The following DNAJC11 variants were observed in gnomAD, a reference collection of about 807,000 sequenced individuals.
DNAJC11 encodes the protein dnaJ homolog subfamily C member 11.
DNAJC11 carries 15 observed loss-of-function variants against 78.6 expected under a neutral mutation model. That is an observed-to-expected ratio of 0.19 (90% CI 0.13 to 0.29). DNAJC11 has a LOEUF of 0.29. DNAJC11 is among the 10% of genes least tolerant of loss of function. The probability of loss-of-function intolerance (pLI) is 1.00; values close to 1 mark genes in which losing one functional copy is unlikely to be tolerated. For missense variants in DNAJC11, 547 were observed against 709.6 expected (o/e 0.77, Z 2.60); for synonymous variants, 292 against 272.1 (o/e 1.07, Z -0.72).
chr1:6,693,987 C>G lies in DNAJC11; in HGVS notation c.72+7742G>C, dbSNP rs569230990. Reference sequence around the variant, plus strand: ...AGTAGCTGGGATTACAGGCGCCCGCCATCAAGTCTGGCTAAGTTTTGTATT... The same window carrying G: ...AGTAGCTGGGATTACAGGCGCCCGCGATCAAGTCTGGCTAAGTTTTGTATT... On this transcript the variant is annotated intron_variant, in intron 1 of 15. Coordinates refer to ENST00000377577, the MANE Select transcript of DNAJC11 (RefSeq NM_018198.4). Among the ~76,000 whole-genome samples, 12 of 152,076 alleles carry G rather than the reference C, an allele frequency of 7.9e-5. No homozygotes were observed. In the East Asian group the frequency reaches 1.9e-3, roughly 25 times the overall value.
chr1:6,699,655 A>G (rs1642892955), intron 1 of DNAJC11, among the ~76,000 whole-genome samples: 1 of 152,146 alleles, frequency 6.6e-6, no homozygotes, highest in South Asian at 2.1e-4. Context: ...TAAAACCTAG[A>G]TGATGGGTTG....
chr1:6,666,385 C>CTTTTTT (rs767579276), intron 4 of DNAJC11, among the ~76,000 whole-genome samples: 152 of 120,538 alleles, frequency 1.3e-3, no homozygotes, highest in African/African-American at 3.8e-3. Flanking sequence ...TCTTTCTTTT[C>CTTTTTT]TTTTTTTTTT....
intron 1 of DNAJC11, among the ~76,000 whole-genome samples, chr1:6,683,905 T>C (rs1642593081): frequency 6.6e-6 from 1 of 152,244 alleles, no homozygotes; most frequent in African/African-American, 2.4e-5. Flanking sequence ...TGTAGTGTTT[T>C]GTTTTCCTCC....
At chr1:6,649,828 C>T (rs1228805694) in intron 7 of DNAJC11, among the ~76,000 whole-genome samples, 1 of 151,840 alleles carries the variant, frequency 6.6e-6, no homozygotes, top group Admixed American at 6.6e-5. Context: ...CCACCTCAGC[C>T]TCCCAAGTAG....
intron 4 of DNAJC11, among the ~76,000 whole-genome samples, chr1:6,666,622 G>A (rs943512795): frequency 2.0e-5 from 3 of 152,070 alleles, no homozygotes; most frequent in South Asian, 2.1e-4. Flanking sequence ...GGCTGGTCTC[G>A]AACTCCTGAC....
chr1:6,670,711 C>CA (rs1642366499), intron 3 of DNAJC11: 1 of 152,144 alleles, frequency 6.6e-6, no homozygotes, highest in Non-Finnish European at 1.5e-5. Context: ...ACAGTGATTG[C>CA]TCTGTGACCT....
chr1:6,683,545 G>A (rs1260792157), intron 1 of DNAJC11, among the ~76,000 whole-genome samples: 1 of 152,196 alleles, frequency 6.6e-6, no homozygotes, highest in Non-Finnish European at 1.5e-5. Context: ...TTCTTTCTGA[G>A]TCTTTGTGAG....
chr1:6,693,076 T>C (rs1318219123), intron 1 of DNAJC11, among the ~76,000 whole-genome samples: 5 of 150,618 alleles, frequency 3.3e-5, no homozygotes, highest in Admixed American at 3.3e-4. Flanking sequence ...CGGCTAATTT[T>C]TTTTTTTCGT....
Position 6,669,131 on chromosome 1 carries a change from G to C in DNAJC11, c.277-1321C>G, listed in dbSNP as rs576394434. Among the ~76,000 whole-genome samples, 44 of 150,920 alleles carry C rather than the reference G, an allele frequency of 2.9e-4. 1 individual carries two copies. The highest frequency in any genetic ancestry group is 1.0e-3 in the African/African-American group (42 of 40,970). ...GAACCCAGGAGGTGAAGGTTGCAGT[G>C]AGCTGAGATCATGCCACTGCACTCC... On this transcript the variant is annotated intron_variant, in intron 3 of 15. Coordinates refer to ENST00000377577, the MANE Select transcript of DNAJC11 (RefSeq NM_018198.4).
intron 12 of DNAJC11, 179 bp downstream of exon 12, chr1:6,638,116 G>A: frequency 1.9e-6 from 1 of 532,322 alleles, no homozygotes; most frequent in Non-Finnish European, 3.3e-6. Flanking sequence ...GCCTTTGGAG[G>A]GTAATTATCT....
chr1:6,655,370 G>A (rs146682417), intron 4 of DNAJC11, among the ~76,000 whole-genome samples: 3 of 152,324 alleles, frequency 2.0e-5, no homozygotes, highest in East Asian at 1.9e-4. Context: ...TACGCATAAT[G>A]CATAATTGTG....
At position 6,635,684 on chromosome 1, in the gene DNAJC11, T is replaced by C. The variant is rs1236475820; in HGVS notation, c.1671A>G (p.Thr557=). 2 of 1,614,074 alleles carry C rather than the reference T, an allele frequency of 1.2e-6. No individual in the cohort carries two copies. Among genetic ancestry groups the C allele is most frequent in the East Asian group, 2.2e-5 (1 of 44,900 alleles). ...TCTGGTTCTTGGCAGTTTATCCATC[T>C]GTATCGATCCTGTGGGCTGTAAAGG... ...RIPKQSHRID[T]DG is the part of the protein sequence containing the mutation. Residue 557 remains threonine, a synonymous_variant, in exon 16 of 16, where the codon ACA becomes ACG. Coordinates refer to ENST00000377577, the MANE Select transcript of DNAJC11 (RefSeq NM_018198.4).
Position 6,634,229 on chromosome 1 carries a change from C to A in DNAJC11, c.*1446G>T. The A allele has an allele frequency of 1.1e-6, 1 of 921,142 alleles. No homozygotes were observed. 57.1% of individuals were successfully genotyped at this position (921,142 alleles called of 1,614,324 possible). A position where few individuals can be genotyped will look rare whatever the true frequency, so the allele number is the denominator to read the frequency against. On this transcript the variant is annotated 3_prime_UTR_variant, in exon 16 of 16. Coordinates refer to ENST00000377577, the MANE Select transcript of DNAJC11 (RefSeq NM_018198.4). ...TCTGTACAGTCGACTGCAAATGAAA[C>A]GCAGAGGATGGGTGCCCAGAAGCAC... is the stretch of plus-strand genomic sequence containing the variant.
At position 6,640,117 on chromosome 1, in the gene DNAJC11, A is replaced by AGGGCAATGGGGTGTC. The variant is rs146506161; in HGVS notation, c.1098-75_1098-61dup. The AGGGCAATGGGGTGTC allele has an allele frequency of 1.8e-4, 270 of 1,493,444 alleles. 1 individual carries two copies. The East Asian group carries it at 6.2e-3, about 34-fold the overall frequency. 92.5% of individuals were successfully genotyped at this position (1,493,444 alleles called of 1,614,324 possible). On this transcript the variant is annotated intron_variant, in intron 10 of 15. Coordinates refer to ENST00000377577, the MANE Select transcript of DNAJC11 (RefSeq NM_018198.4). Reference sequence around the variant, plus strand: ...CAAGATGAATCAGGTTTTCCAGGGAAGGGCAATGGGGTGTCAGGCACAGGA... The same window carrying AGGGCAATGGGGTGTC: ...CAAGATGAATCAGGTTTTCCAGGGAAGGGCAATGGGGTGTCGGGCAATGGGGTGTCAGGCACAGGA...
chr1:6,638,235 T>A, intron 12 of DNAJC11, 60 bp downstream of exon 12: 1 of 1,537,588 alleles, frequency 6.5e-7, no homozygotes. Flanking sequence ...GAGACCAACA[T>A]GTGGGGTGTG....
rs1641714110 is a variant in DNAJC11 at position 6,634,429 on chromosome 1, A to C, written c.*1246T>G. 1 of 1,258,862 alleles carries C rather than the reference A, an allele frequency of 7.9e-7. No individual in the cohort carries two copies. Among genetic ancestry groups the C allele is most frequent in the African/African-American group, 1.5e-5 (1 of 65,164 alleles). 78.0% of individuals were successfully genotyped at this position (1,258,862 alleles called of 1,614,324 possible). On this transcript the variant is annotated 3_prime_UTR_variant, in exon 16 of 16. Coordinates refer to ENST00000377577, the MANE Select transcript of DNAJC11 (RefSeq NM_018198.4). ...CAGAGGAAGGAGGTTCTTAGCCGTT[A>C]CTCAGATACCAGTGCTGGGGAGGGA...
In DNAJC11 at chr1:6,644,471, A is replaced by G. The variant is rs374329872; in HGVS notation, c.1097+87T>C. 4.9e-5 allele frequency: 48 copies of G among 979,634 alleles called. No individual in the cohort carries two copies. In the East Asian group the frequency reaches 1.1e-3, roughly 22 times the overall value. 60.7% of individuals were successfully genotyped at this position (979,634 alleles called of 1,614,324 possible). A position where few individuals can be genotyped will look rare whatever the true frequency, so the allele number is the denominator to read the frequency against. ...CTTTAAGAACAAAATTACAATGCAA[A>G]GGCTATTTCAGCCTTAACTTGGGTA... On this transcript the variant is annotated intron_variant, in intron 10 of 15. Transcript: ENST00000377577.
At chr1:6,671,651 T>C (rs1353662964) in intron 3 of DNAJC11, among the ~76,000 whole-genome samples, 10 of 131,766 alleles carry the variant, frequency 7.6e-5, no homozygotes, top group South Asian at 2.5e-4. Context: ...TCTGCCTCAG[T>C]CTCCCGAGTA....
intron 3 of DNAJC11, among the ~76,000 whole-genome samples, chr1:6,675,336 T>C (rs982274661): frequency 3.9e-5 from 6 of 152,034 alleles, no homozygotes; most frequent in Non-Finnish European, 7.4e-5. Flanking sequence ...CTGACTTCCT[T>C]AGTTTACTAA....
Sources: allele counts gnomAD v4.1 joint callset (sites outside exome capture counted in the v4.1 genomes callset), GRCh38; gene constraint gnomAD v4.1.1; transcripts MANE v1.5; gene names NCBI Gene and HGNC (gene_info 2026-07-23, HGNC 2026-07-21).